ZMYM2: variants seen among roughly 807,000 people sequenced by gnomAD.
The protein encoded by ZMYM2 is zinc finger MYM-type containing 2.
A neutral mutation model predicts 162.8 loss-of-function variants in ZMYM2; 56 were observed. That is an observed-to-expected ratio of 0.34 (90% CI 0.28 to 0.43). The LOEUF (loss-of-function observed/expected upper bound fraction) is 0.43. Among genes scored for constraint, ZMYM2 ranks in the 20% least tolerant of loss-of-function variants. The probability of loss-of-function intolerance (pLI) is 1.00; values close to 1 mark genes in which losing one functional copy is unlikely to be tolerated. For synonymous variants in ZMYM2, 510 were observed against 541.6 expected (o/e 0.94, Z 0.81); for missense variants, 1,275 against 1,621.8 (o/e 0.79, Z 3.67).
chr13:20,054,120 T>C (rs1016984724), intron 14 of ZMYM2, among the ~76,000 whole-genome samples: 1 of 152,226 alleles, frequency 6.6e-6, no homozygotes, highest in Non-Finnish European at 1.5e-5. Flanking sequence ...CTCTCCCATC[T>C]TTTCTTTGTA....
chr13:19,942,629 G>A, the ZMYM2 span, among the ~76,000 whole-genome samples: 5 of 151,866 alleles, frequency 3.3e-5, no homozygotes, highest in African/African-American at 1.2e-4. Flanking sequence ...AGGATTTCCT[G>A]AGCCTGGGAG....
At chr13:19,946,089 G>A in the ZMYM2 span, among the ~76,000 whole-genome samples, 1 of 151,318 alleles carries the variant, frequency 6.6e-6, no homozygotes, top group East Asian at 1.9e-4. Flanking sequence ...TACCTGCATC[G>A]CCACCACCCT....
At chr13:19,958,390 C>T (rs1395169843), upstream of ZMYM2, among the ~76,000 whole-genome samples, 1 of 151,782 alleles carries the variant, frequency 6.6e-6, no homozygotes, top group Non-Finnish European at 1.5e-5. Flanking sequence ...GAGCCCCGGG[C>T]CCCGAGGAGC....
At chr13:19,987,111 C>CAA (rs58588019) in intron 2 of ZMYM2, among the ~76,000 whole-genome samples, 2,483 of 40,852 alleles carry the variant, frequency 0.061, 386 homozygotes, top group African/African-American at 0.08. Flanking sequence ...GGCTCCGTCT[C>CAA]AAAAAAAAAA....
intron 16 of ZMYM2, 76 bp from the exon 17 acceptor site, chr13:20,060,977 G>C: frequency 7.2e-7 from 1 of 1,391,370 alleles, no homozygotes; most frequent in Non-Finnish European, 9.8e-7. Flanking sequence ...TAGATCATGT[G>C]TCAGAGTAAT....
At chr13:19,988,730 C>T (rs1348327949) in intron 2 of ZMYM2, among the ~76,000 whole-genome samples, 1 of 152,036 alleles carries the variant, frequency 6.6e-6, no homozygotes, top group East Asian at 1.9e-4. Context: ...TTGCGGTGAG[C>T]AAGATCGATT....
At chr13:19,890,337 A>T in the ZMYM2 span, among the ~76,000 whole-genome samples, 5 of 151,198 alleles carry the variant, frequency 3.3e-5, no homozygotes, top group Non-Finnish European at 7.4e-5. Context: ...CTAACTTTTT[A>T]AAAATTTTTT....
At chr13:19,974,914 A>C (rs1212411325) in intron 2 of ZMYM2, among the ~76,000 whole-genome samples, 1 of 152,170 alleles carries the variant, frequency 6.6e-6, no homozygotes, top group Non-Finnish European at 1.5e-5. Flanking sequence ...GGATATTGTT[A>C]AGACTTGGTG....
At position 20,088,779 on chromosome 13, in the gene ZMYM2, T is replaced by G. The variant is rs1201584608; in HGVS notation, c.*2765T>G. On this transcript the variant is annotated 3_prime_UTR_variant, in exon 25 of 25. Coordinates refer to ENST00000610343, the MANE Select transcript of ZMYM2 (RefSeq NM_197968.4). ...TATCACTGTTTTTTCTGACAGACTT[T>G]CCCTTTGTCCTTTCTAGTTATGACT... The G allele has an allele frequency of 5.1e-6, 1 of 195,402 alleles. No homozygotes were observed. The highest frequency in any genetic ancestry group is 2.3e-5 in the African/African-American group (1 of 43,314). The allele number at this position is 195,402 out of a possible 1,614,324, so 12.1% of individuals were successfully genotyped here. A position where few individuals can be genotyped will look rare whatever the true frequency, so the allele number is the denominator to read the frequency against.
At chr13:20,068,834 T>C (rs1310368254) in intron 21 of ZMYM2, among the ~76,000 whole-genome samples, 1 of 152,104 alleles carries the variant, frequency 6.6e-6, no homozygotes, top group African/African-American at 2.4e-5. Context: ...AGGAAGAGAG[T>C]TTGAGTTCTA....
At chr13:19,949,908 A>T in the ZMYM2 span, among the ~76,000 whole-genome samples, 2 of 116,980 alleles carry the variant, frequency 1.7e-5, no homozygotes, top group Non-Finnish European at 3.5e-5. Context: ...AGAAAAGAAA[A>T]GGAAGGGAAG....
intron 2 of ZMYM2, among the ~76,000 whole-genome samples, chr13:19,960,862 G>T (rs1955133481): frequency 6.6e-6 from 1 of 152,226 alleles, no homozygotes; most frequent in African/African-American, 2.4e-5. Context: ...GTGGTAACTT[G>T]TAGATCTCTG....
chr13:20,016,505 C>T (rs1172713023), intron 6 of ZMYM2, among the ~76,000 whole-genome samples: 1 of 152,080 alleles, frequency 6.6e-6, no homozygotes, highest in African/African-American at 2.4e-5. Context: ...AGCTTTGACT[C>T]CTTTTAGCAT....
chr13:20,061,302 G>A, intron 17 of ZMYM2, 78 bp downstream of exon 17: 1 of 1,463,796 alleles, frequency 6.8e-7, no homozygotes, highest in Non-Finnish European at 9.1e-7. Context: ...TACTTTCCAG[G>A]GCATATCATT....
rs67460005 is a variant in ZMYM2, at chr13:19,971,262, A to ATTTT, written c.-11+11254_-11+11257dup. Among the ~76,000 whole-genome samples the ATTTT allele has an allele frequency of 5.4e-4, 42 of 78,326 alleles. 1 individual carries two copies. Among genetic ancestry groups the ATTTT allele is most frequent in the Middle Eastern group, 7.5e-3 (1 of 134 alleles). 51.4% of individuals were successfully genotyped at this position (78,326 alleles called of 152,430 possible). A position where few individuals can be genotyped will look rare whatever the true frequency, so the allele number is the denominator to read the frequency against. On this transcript the variant is annotated intron_variant, in intron 2 of 24. Transcript: ENST00000610343. ...TGTGTGTGTATATATATATATATAT[A>ATTTT]TTTTTTTTTTTTTTTTTTTTTCCTT...
intron 4 of ZMYM2, among the ~76,000 whole-genome samples, chr13:20,004,312 T>C (rs1049846338): frequency 2.6e-5 from 4 of 152,136 alleles, no homozygotes; most frequent in African/African-American, 7.2e-5. Context: ...TGGAGTGCAG[T>C]GGCGCTGATC....
chr13:20,072,148 T>C (rs1957134534), intron 21 of ZMYM2: 1 of 155,312 alleles, frequency 6.4e-6, no homozygotes, highest in South Asian at 2.1e-4. Context: ...TTCAAATTGC[T>C]TCTGGTGGAG....
chr13:19,971,727 A>ATT (rs1474085238), intron 2 of ZMYM2, among the ~76,000 whole-genome samples: 1 of 152,162 alleles, frequency 6.6e-6, no homozygotes, highest in African/African-American at 2.4e-5. Context: ...TAGGAAAAGC[A>ATT]TTTGATGATT....
the ZMYM2 span, among the ~76,000 whole-genome samples, chr13:19,937,883 G>C: frequency 6.8e-6 from 1 of 147,998 alleles, no homozygotes; most frequent in Non-Finnish European, 1.5e-5. Context: ...GTGAGAACAT[G>C]TGGTGTTTGG....
Sources: allele counts gnomAD v4.1 joint callset (sites outside exome capture counted in the v4.1 genomes callset), GRCh38; gene constraint gnomAD v4.1.1; transcripts MANE v1.5; gene names NCBI Gene and HGNC (gene_info 2026-07-23, HGNC 2026-07-21).